The following ADK variants were observed in gnomAD, a reference collection of about 807,000 sequenced individuals.
The protein encoded by ADK is N6,N6-dimethyladenosine kinase.
ADK carries 24 observed loss-of-function variants against 44.7 expected under a neutral mutation model. That is an observed-to-expected ratio of 0.54 (90% confidence interval 0.39 to 0.76). The LOEUF (loss-of-function observed/expected upper bound fraction) is 0.76. ADK is among the 30% of genes least tolerant of loss of function. The pLI is 0.00. For missense variants in ADK, 321 were observed against 425.1 expected, an observed-to-expected ratio of 0.76 and a Z score of 2.15; for synonymous variants, 128 against 142.6, an observed-to-expected ratio of 0.90 and a Z score of 0.73.
rs754375442 is a variant in ADK, at chr10:74,525,417, A to C, written c.717A>C (p.Gly239=). The change falls in exon 7 of 11, where the codon GGA becomes GGC. Residue 239 remains glycine, a synonymous_variant. Transcript: ENST00000539909. ...KVMPYVDILF[G]NETEAATFAR... The stretch of plus-strand genomic sequence containing the variant: ...TGCCTTATGTTGATATACTTTTTGG[A>C]AATGAGACAGTGAGTTACCTTTCCT... 6.2e-7 allele frequency: 1 copy of C among 1,612,182 alleles called. No homozygotes were observed. The highest frequency in any genetic ancestry group is 1.1e-5 in the South Asian group (1 of 91,062).
At chr10:74,307,921 C>G (rs758675777) in intron 3 of ADK, among the ~76,000 whole-genome samples, 5 of 152,116 alleles carry the variant, frequency 3.3e-5, no homozygotes, top group Non-Finnish European at 5.9e-5. Flanking sequence ...TTTTGAGAAC[C>G]ACTGTCCTGC....
chr10:74,520,653 C>G (rs1177747628), intron 6 of ADK, among the ~76,000 whole-genome samples: 1 of 151,550 alleles, frequency 6.6e-6, no homozygotes, highest in East Asian at 1.9e-4. Context: ...AATGTTGTTT[C>G]TAACATTCCC....
At chr10:74,406,086 C>G (rs1843913708) in intron 6 of ADK, among the ~76,000 whole-genome samples, 1 of 152,178 alleles carries the variant, frequency 6.6e-6, no homozygotes, top group Non-Finnish European at 1.5e-5. Flanking sequence ...GAAACTCTTG[C>G]AATAAACTGC....
chr10:74,422,394 A>T (rs1844589705), intron 6 of ADK, among the ~76,000 whole-genome samples: 2 of 152,240 alleles, frequency 1.3e-5, no homozygotes, highest in South Asian at 4.1e-4. Flanking sequence ...AATGTTACAT[A>T]GTTTCCTGGA....
chr10:74,641,198 G>A (rs1853828996), intron 9 of ADK, among the ~76,000 whole-genome samples: 2 of 152,138 alleles, frequency 1.3e-5, no homozygotes, highest in Non-Finnish European at 1.5e-5. Context: ...AAGGTAGGCT[G>A]TGGACCCTTT....
At chr10:74,537,481 G>A (rs1038165070) in intron 7 of ADK, among the ~76,000 whole-genome samples, 1 of 152,168 alleles carries the variant, frequency 6.6e-6, no homozygotes. Flanking sequence ...CTACACAAAG[G>A]TAATTATAAT....
chr10:74,191,580 AT>A (rs1842953635), intron 1 of ADK, among the ~76,000 whole-genome samples: 1 of 152,106 alleles, frequency 6.6e-6, no homozygotes, highest in African/African-American at 2.4e-5. Context: ...CTGTTTTTAT[AT>A]CCTGTTCCTC....
At chr10:74,559,409 G>A (rs953075404) in intron 7 of ADK, among the ~76,000 whole-genome samples, 13 of 152,178 alleles carry the variant, frequency 8.5e-5, no homozygotes, top group African/African-American at 3.1e-4. Context: ...GCCTTATTTT[G>A]TATAAGAGTG....
At chr10:74,671,890 G>T (rs1855200724) in intron 10 of ADK, among the ~76,000 whole-genome samples, 1 of 152,140 alleles carries the variant, frequency 6.6e-6, no homozygotes, top group Admixed American at 6.5e-5. Context: ...GGGTTACTTG[G>T]CTTCCTGGCC....
intron 1 of ADK, chr10:74,174,754 C>G (rs930425769): frequency 5.9e-5 from 9 of 152,208 alleles, no homozygotes; most frequent in African/African-American, 1.7e-4. Flanking sequence ...TTAACCACGC[C>G]AAGTATAGCT....
At chr10:74,350,878 G>A (rs1218630782) in intron 4 of ADK, among the ~76,000 whole-genome samples, 1 of 152,130 alleles carries the variant, frequency 6.6e-6, no homozygotes, top group Non-Finnish European at 1.5e-5. Context: ...ACTAATCCAG[G>A]GAGAAGTTGA....
chr10:74,519,574 T>C (rs1218158318), intron 6 of ADK, among the ~76,000 whole-genome samples: 1 of 151,992 alleles, frequency 6.6e-6, no homozygotes, highest in Non-Finnish European at 1.5e-5. Context: ...TATTTTCCCA[T>C]GTTTTGGATT....
At chr10:74,453,204 C>T (rs1845833763) in intron 6 of ADK, among the ~76,000 whole-genome samples, 1 of 151,886 alleles carries the variant, frequency 6.6e-6, no homozygotes, top group Non-Finnish European at 1.5e-5. Flanking sequence ...TATTGAATTT[C>T]TAAAATAAAA....
intron 9 of ADK, among the ~76,000 whole-genome samples, chr10:74,608,021 T>G (rs1428572905): frequency 6.6e-6 from 1 of 151,686 alleles, no homozygotes; most frequent in Non-Finnish European, 1.5e-5. Context: ...CTTGATCAAT[T>G]TGGTTATTAT....
chr10:74,261,125 A>G (rs1280715442), intron 3 of ADK, among the ~76,000 whole-genome samples: 1 of 152,202 alleles, frequency 6.6e-6, no homozygotes, highest in African/African-American at 2.4e-5. Context: ...TATTTATATT[A>G]TAGTGACTAT....
chr10:74,261,557 A>G (rs1193921696), intron 3 of ADK, among the ~76,000 whole-genome samples: 1 of 152,184 alleles, frequency 6.6e-6, no homozygotes, highest in Non-Finnish European at 1.5e-5. Context: ...AGAATATGTG[A>G]GAAATAAAAT....
intron 6 of ADK, among the ~76,000 whole-genome samples, chr10:74,457,656 G>A (rs1460477645): frequency 6.6e-6 from 1 of 152,154 alleles, no homozygotes; most frequent in Non-Finnish European, 1.5e-5. Flanking sequence ...AGAAAATGTG[G>A]CACATAACCA....
At chr10:74,611,447 A>G (rs1230260871) in intron 9 of ADK, among the ~76,000 whole-genome samples, 4 of 151,818 alleles carry the variant, frequency 2.6e-5, no homozygotes, top group Non-Finnish European at 1.5e-5. Context: ...GTGCTATCAC[A>G]TCAAAATCAC....
chr10:74,260,455 G>C lies in ADK; in HGVS notation c.194+35864G>C, dbSNP rs142522625. ...CAGCTAATTTTTTAATTTTTTTGTA[G>C]AAACAGGGTTTTGCTGTGTTGTCCC... On this transcript the variant is annotated intron_variant, in intron 3 of 10. Transcript: ENST00000539909. Among the ~76,000 whole-genome samples the C allele has an allele frequency of 6.0e-4, 91 of 152,218 alleles. No individual in the cohort carries two copies. In the East Asian group the frequency reaches 0.015, roughly 25 times the overall value.
Sources: allele counts gnomAD v4.1 joint callset (sites outside exome capture counted in the v4.1 genomes callset), GRCh38; gene constraint gnomAD v4.1.1; transcripts MANE v1.5; gene names NCBI Gene and HGNC (gene_info 2026-07-23, HGNC 2026-07-21).